Variants in PDE4B observed in about 807,000 individuals in gnomAD.
The protein encoded by PDE4B is 3',5'-cyclic-AMP phosphodiesterase 4B.
In PDE4B, 20 loss-of-function variants were observed where a neutral mutation model predicts 82.2. That is an observed-to-expected ratio of 0.24 (90% CI 0.17 to 0.35). The LOEUF is 0.35. PDE4B is among the 10% of genes least tolerant of loss of function. PDE4B has a pLI of 1.00. For synonymous variants in PDE4B, 320 were observed against 318.9 expected, an observed-to-expected ratio of 1.00 and a Z score of -0.04; for missense variants, 655 against 907.2, an observed-to-expected ratio of 0.72 and a Z score of 3.57.
At chr1:66,030,744 G>A (rs1018619271) in intron 3 of PDE4B, among the ~76,000 whole-genome samples, 1 of 152,160 alleles carries the variant, frequency 6.6e-6, no homozygotes, top group African/African-American at 2.4e-5. Flanking sequence ...ATAAAGAAAA[G>A]TGGTACATAT....
intron 3 of PDE4B, among the ~76,000 whole-genome samples, chr1:66,222,575 AG>A: frequency 6.6e-6 from 1 of 152,338 alleles, no homozygotes; most frequent in African/African-American, 2.4e-5. Context: ...AGAAGATAAA[AG>A]TTTTAAACTC....
At position 66,373,184 on chromosome 1, in the gene PDE4B, A is replaced by G. The variant is rs1280330854; in HGVS notation, c.*506A>G. The G allele has an allele frequency of 1.3e-5, 2 of 153,722 alleles. No homozygotes were observed. Among genetic ancestry groups the G allele is most frequent in the Non-Finnish European group, 2.9e-5 (2 of 68,826 alleles). The allele number at this position is 153,722 out of a possible 1,614,324, so 9.5% of individuals were successfully genotyped here. A position where few individuals can be genotyped will look rare whatever the true frequency, so the allele number is the denominator to read the frequency against. ...CTTTCAAAGTTGACAAACTTTTTTG[A>G]CTCTTTCTGGAAAAGGGAAAGAAAA... is the stretch of plus-strand genomic sequence containing the variant. On this transcript the variant is annotated 3_prime_UTR_variant, in exon 17 of 17. Transcript: ENST00000341517.
intron 3 of PDE4B, among the ~76,000 whole-genome samples, chr1:66,022,306 C>T (rs1396783473): frequency 6.6e-6 from 1 of 152,216 alleles, no homozygotes; most frequent in African/African-American, 2.4e-5. Context: ...GTATTTCTTT[C>T]TCTTGCCTGA....
intron 3 of PDE4B, among the ~76,000 whole-genome samples, chr1:65,966,596 C>T (rs1373030911): frequency 6.6e-6 from 1 of 152,094 alleles, no homozygotes. Context: ...CCAAGACAAT[C>T]CTAAGCAAAA....
chr1:65,994,937 G>T (rs1325817466), intron 3 of PDE4B, among the ~76,000 whole-genome samples: 2 of 151,978 alleles, frequency 1.3e-5, no homozygotes, highest in African/African-American at 2.4e-5. Flanking sequence ...ATTTTAAAAT[G>T]ATTAAAGAGC....
intron 3 of PDE4B, among the ~76,000 whole-genome samples, chr1:66,074,157 G>A (rs1287191054): frequency 1.3e-5 from 2 of 152,098 alleles, no homozygotes; most frequent in African/African-American, 4.8e-5. Flanking sequence ...TCATGGATAT[G>A]TCCTTGGAAG....
chr1:66,308,329 T>G lies in PDE4B; in HGVS notation c.635-24179T>G, dbSNP rs540962771. ...GCAAGGAATTAGAGAGTTCATGGAT[T>G]TTTTTCCGGAAACTTATTATTGAAG... On this transcript the variant is annotated intron_variant, in intron 7 of 16. Transcript: ENST00000341517. Among the ~76,000 whole-genome samples the G allele has an allele frequency of 2.2e-4, 34 of 152,284 alleles. 2 individuals carry two copies. In the Middle Eastern group the frequency reaches 0.01, roughly 46 times the overall value.
intron 3 of PDE4B, among the ~76,000 whole-genome samples, chr1:66,155,564 C>A (rs1179407520): frequency 6.6e-6 from 1 of 151,718 alleles, no homozygotes; most frequent in African/African-American, 2.4e-5. Flanking sequence ...TATATTGTTA[C>A]CTATCATTTG....
In PDE4B at chr1:65,919,424, A is replaced by T. The variant is rs115807139; in HGVS notation, c.281+589A>T. ...GTTGAAAAGTTAATCATATAATCTT[A>T]CAATTGTGGTTATTGTGCCATGACT... is the stretch of plus-strand genomic sequence containing the variant. On this transcript the variant is annotated intron_variant, in intron 3 of 16. Transcript: ENST00000341517. Among the ~76,000 whole-genome samples, 383 of 152,322 alleles carry T rather than the reference A, an allele frequency of 2.5e-3. 1 individual carries two copies. In the Middle Eastern group the frequency reaches 0.038, roughly 15 times the overall value.
At chr1:66,268,984 T>C (rs1336052038) in intron 7 of PDE4B, among the ~76,000 whole-genome samples, 1 of 152,208 alleles carries the variant, frequency 6.6e-6, no homozygotes, top group Non-Finnish European at 1.5e-5. Flanking sequence ...TTTCGCATAG[T>C]TATTTTCACA....
chr1:66,097,863 T>G (rs560442685), intron 3 of PDE4B, among the ~76,000 whole-genome samples: 102 of 43,468 alleles, frequency 2.3e-3, no homozygotes, highest in African/African-American at 5.6e-3. Flanking sequence ...TGCTGCTGGG[T>G]TTTTTTTTTT....
chr1:65,945,141 G>T (rs918791555), intron 3 of PDE4B, among the ~76,000 whole-genome samples: 1 of 151,920 alleles, frequency 6.6e-6, no homozygotes, highest in Non-Finnish European at 1.5e-5. Context: ...ATGGCTATTG[G>T]TTTAAAGTGT....
At chr1:65,983,814 A>G (rs1389634554) in intron 3 of PDE4B, among the ~76,000 whole-genome samples, 1 of 374 alleles carries the variant, frequency 2.7e-3, no homozygotes, top group Non-Finnish European at 0.013. Flanking sequence ...ATAACGTAAT[A>G]TATACTATTG....
At chr1:65,971,020 A>G (rs1407595912) in intron 3 of PDE4B, among the ~76,000 whole-genome samples, 1 of 150,878 alleles carries the variant, frequency 6.6e-6, no homozygotes, top group African/African-American at 2.4e-5. Flanking sequence ...CATTAACTAA[A>G]GGGATTGGAA....
At chr1:66,276,779 A>G (rs2101766114) in intron 7 of PDE4B, among the ~76,000 whole-genome samples, 1 of 152,330 alleles carries the variant, frequency 6.6e-6, no homozygotes, top group East Asian at 1.9e-4. Context: ...TAATGCATAA[A>G]TAAATTCATG....
At chr1:66,232,964 A>C (rs1570522997) in intron 3 of PDE4B, among the ~76,000 whole-genome samples, 1 of 152,352 alleles carries the variant, frequency 6.6e-6, no homozygotes. Context: ...AATAACCACA[A>C]GTCTTTTTAA....
chr1:66,226,082 A>G (rs1301377874), intron 3 of PDE4B, among the ~76,000 whole-genome samples: 1 of 152,226 alleles, frequency 6.6e-6, no homozygotes, highest in Non-Finnish European at 1.5e-5. Context: ...AGGAATTAGA[A>G]ATTCCAACAG....
rs1646218484 is a variant in PDE4B, at chr1:65,842,454, TAG to T, written c.-71+49207_-71+49208del. On this transcript the variant is annotated intron_variant, in intron 1 of 16. Transcript: ENST00000341517. ...ATAAAACATGCAAACAACTAAAACA[TAG>T]GACAACATATATTGTATCATGATTA... 2.6e-5 allele frequency among the ~76,000 whole-genome samples: 4 copies of T among 152,120 alleles called. No homozygotes were observed. The East Asian group carries it at 7.7e-4, about 29-fold the overall frequency.
intron 3 of PDE4B, among the ~76,000 whole-genome samples, chr1:66,187,536 T>A (rs1647293304): frequency 6.6e-6 from 1 of 152,256 alleles, no homozygotes; most frequent in African/African-American, 2.4e-5. Flanking sequence ...ATTCAAAGAT[T>A]TAACTTCTTC....
Sources: gnomAD v4.1 joint callset for allele counts (sites outside exome capture counted in the v4.1 genomes callset) on GRCh38, gnomAD v4.1.1 for gene constraint, MANE v1.5 for transcripts, NCBI Gene and HGNC (gene_info 2026-07-23, HGNC 2026-07-21) for gene names.